SMAD6: variants seen among roughly 807,000 people sequenced by gnomAD.
SMAD6 encodes the protein SMAD family member 6.
A neutral mutation model predicts 39.4 loss-of-function variants in SMAD6; 103 were observed. That is an observed-to-expected ratio of 2.62 (90% CI 2.23 to 3.08). The LOEUF is 3.08. Among genes scored for constraint, SMAD6 ranks in the 30% most tolerant of loss-of-function variants. SMAD6 has a pLI of 0.00. For missense variants in SMAD6, 1,104 were observed against 742.9 expected (o/e 1.49, Z -5.65); for synonymous variants, 445 against 353.3 (o/e 1.26, Z -2.91).
chr15:66,720,831 A>T (rs1194645856), intron 3 of SMAD6, among the ~76,000 whole-genome samples: 4 of 152,194 alleles, frequency 2.6e-5, no homozygotes, highest in African/African-American at 9.6e-5. Flanking sequence ...GCATGGTCTA[A>T]GCTGCCCATC....
chr15:66,747,940 C>A lies in SMAD6; in HGVS notation c.952+31442C>A, dbSNP rs1156544882. Among the ~76,000 whole-genome samples, 4 of 152,130 alleles carry A rather than the reference C, an allele frequency of 2.6e-5. No individual in the cohort carries two copies. Among genetic ancestry groups the A allele is most frequent in the Non-Finnish European group, 5.9e-5 (4 of 68,026 alleles). Reference sequence around the variant, plus strand: ...CCCTTTGCACCCCACTTCTCTTTCTCCGGCATGAGGCAGTGGCTGGGGGCG... The same window carrying A: ...CCCTTTGCACCCCACTTCTCTTTCTACGGCATGAGGCAGTGGCTGGGGGCG... On this transcript the variant is annotated intron_variant, in intron 3 of 3. Transcript: ENST00000288840. The surrounding 1 kb of genome is among the most constrained non-coding windows in gnomAD (Gnocchi z 4.5).
At chr15:66,751,816 T>C (rs959217214) in intron 3 of SMAD6, among the ~76,000 whole-genome samples, 2 of 152,218 alleles carry the variant, frequency 1.3e-5, no homozygotes, top group Non-Finnish European at 2.9e-5. Context: ...ACTTTGGCGA[T>C]CAGCCAGACC....
chr15:66,739,978 TCC>T (rs1046072980), intron 3 of SMAD6, among the ~76,000 whole-genome samples: 1 of 152,228 alleles, frequency 6.6e-6, no homozygotes, highest in African/African-American at 2.4e-5. Context: ...CTGCCTTTTC[TCC>T]TCAGCATTAC....
At position 66,781,510 on chromosome 15, in the gene SMAD6, A is replaced by C; in HGVS notation, c.1466A>C (p.Glu489Ala). 1.3e-6 allele frequency: 2 copies of C among 1,555,788 alleles called. No homozygotes were observed. Among genetic ancestry groups the C allele is most frequent in the Non-Finnish European group, 8.7e-7 (1 of 1,153,672 alleles). ...QFITSCPCWLEILLNNPR is the reference protein window; with the variant it reads ...QFITSCPCWLAILLNNPR ...ATCACCTCCTGCCCCTGCTGGCTGG[A>C]GATCCTCCTCAACAACCCCAGATAG... Residue 489 changes from glutamate to alanine, a missense_variant, in exon 4 of 4, where the codon GAG becomes GCG. By Grantham distance (107) the Glu-to-Ala change is moderately radical. Coordinates refer to ENST00000288840, the MANE Select transcript of SMAD6 (RefSeq NM_005585.5).
At chr15:66,738,578 GAAGAT>G (rs935382657) in intron 3 of SMAD6, among the ~76,000 whole-genome samples, 4 of 152,182 alleles carry the variant, frequency 2.6e-5, no homozygotes, top group African/African-American at 9.7e-5. Context: ...CAGTGGCAGA[GAAGAT>G]AACATTTTCC....
Position 66,757,542 on chromosome 15 carries a change from C to T in SMAD6, c.953-23455C>T, listed in dbSNP as rs12439804. Among the ~76,000 whole-genome samples, 613 of 152,322 alleles carry T rather than the reference C, an allele frequency of 4.0e-3. 4 individuals are homozygous for T. The highest frequency in any genetic ancestry group is 0.021 in the East Asian group (108 of 5,184). On this transcript the variant is annotated intron_variant, in intron 3 of 3. Transcript: ENST00000288840. ...CTCCTGAGGGGTGTCCAGCAGGACC[C>T]TCAGGCTGGGTCTCCCAGGCCGGGG... is the stretch of plus-strand genomic sequence containing the variant.
At chr15:66,771,253 GAC>G (rs1180699653) in intron 3 of SMAD6, among the ~76,000 whole-genome samples, 1 of 152,218 alleles carries the variant, frequency 6.6e-6, no homozygotes, top group Non-Finnish European at 1.5e-5. Context: ...CTATGGAGGA[GAC>G]ACTGAGCAGG....
intron 3 of SMAD6, among the ~76,000 whole-genome samples, chr15:66,748,205 ATT>A (rs34637025): frequency 2.5e-4 from 35 of 138,372 alleles, no homozygotes; most frequent in African/African-American, 6.1e-4. Context: ...ATTTCTTCCC[ATT>A]TTTTTTTTTT....
chr15:66,759,410 G>A (rs988214604), intron 3 of SMAD6, among the ~76,000 whole-genome samples: 44 of 152,110 alleles, frequency 2.9e-4, no homozygotes, highest in African/African-American at 9.9e-4. Flanking sequence ...AGCTTTTGGG[G>A]TACAAGTAGC....
intron 3 of SMAD6, among the ~76,000 whole-genome samples, chr15:66,764,944 C>T (rs1894263510): frequency 6.6e-6 from 1 of 152,178 alleles, no homozygotes; most frequent in East Asian, 1.9e-4. Context: ...CCCTGGGTTT[C>T]ACCGCCATAG....
At chr15:66,768,686 T>G (rs1894330685) in intron 3 of SMAD6, among the ~76,000 whole-genome samples, 1 of 152,240 alleles carries the variant, frequency 6.6e-6, no homozygotes, top group East Asian at 1.9e-4. Flanking sequence ...TCCTGACCTC[T>G]GAGCATCAGT....
At chr15:66,718,448 G>A (rs769054474) in intron 3 of SMAD6, among the ~76,000 whole-genome samples, 8 of 152,158 alleles carry the variant, frequency 5.3e-5, no homozygotes, top group African/African-American at 1.9e-4. Context: ...CTGTGCAAAA[G>A]GACTGTGTTG....
chr15:66,782,683 A>C lies in SMAD6; in HGVS notation c.*1148A>C, dbSNP rs532277571. ...AGGACCAGAGCCATATCATTAGATC[A>C]GCTTTCTGAAGAATATTCTCAAAAA... On this transcript the variant is annotated 3_prime_UTR_variant, in exon 4 of 4. Transcript: ENST00000288840. 5 of 152,378 alleles carry C rather than the reference A, an allele frequency of 3.3e-5. No homozygotes were observed. The highest frequency in any genetic ancestry group is 3.3e-4 in the Admixed American group (5 of 15,312). 9.4% of individuals were successfully genotyped at this position (152,378 alleles called of 1,614,324 possible).
chr15:66,781,272 A>AT lies in SMAD6; in HGVS notation c.1229dup (p.Phe411LeufsTer154). ...GGCCTACAACCGCGGCGAGCACCCC[A>AT]TCTTCGTCAACTCCCCGACGCTGGA... On this transcript the variant is annotated frameshift_variant, in exon 4 of 4. Coordinates refer to ENST00000288840, the MANE Select transcript of SMAD6 (RefSeq NM_005585.5). LOFTEE classifies it high-confidence loss of function. The AT allele has an allele frequency of 6.2e-7, 1 of 1,607,396 alleles. No individual in the cohort carries two copies. Among genetic ancestry groups the AT allele is most frequent in the Non-Finnish European group, 8.5e-7 (1 of 1,178,774 alleles).
chr15:66,758,015 C>T (rs1314201168), intron 3 of SMAD6, among the ~76,000 whole-genome samples: 1 of 152,202 alleles, frequency 6.6e-6, no homozygotes, highest in East Asian at 1.9e-4. Context: ...TGGGACCCTC[C>T]TTCAAGCGAA....
chr15:66,771,591 G>T (rs1567113186), intron 3 of SMAD6, among the ~76,000 whole-genome samples: 1 of 152,150 alleles, frequency 6.6e-6, no homozygotes, highest in Non-Finnish European at 1.5e-5. Context: ...TGCGACTGGG[G>T]GACTCTGAGG....
At chr15:66,766,207 G>GGGGGGCA (rs139575042) in intron 3 of SMAD6, among the ~76,000 whole-genome samples, 4,261 of 152,160 alleles carry the variant, frequency 0.028, 185 homozygotes, top group East Asian at 0.16. Flanking sequence ...TGGAAGGGAT[G>GGGGGGCA]GGGGGCAGGG....
At chr15:66,778,796 C>G (rs1047632028) in intron 3 of SMAD6, among the ~76,000 whole-genome samples, 1 of 152,160 alleles carries the variant, frequency 6.6e-6, no homozygotes, top group African/African-American at 2.4e-5. Context: ...TACCCTGGGC[C>G]TCAGTTTCCT....
chr15:66,777,267 G>C lies in SMAD6; in HGVS notation c.953-3730G>C, dbSNP rs74744786. The stretch of plus-strand genomic sequence containing the variant: ...AGAGACCCCAGTTTTTGCCCACCAC[G>C]CTTCAGTGCCCTAGGGCCTGAGCCC... On this transcript the variant is annotated intron_variant, in intron 3 of 3. Coordinates refer to ENST00000288840, the MANE Select transcript of SMAD6 (RefSeq NM_005585.5). Among the ~76,000 whole-genome samples the C allele has an allele frequency of 0.01, 1,588 of 152,278 alleles. 96 individuals carry two copies. In the East Asian group the frequency reaches 0.17, roughly 16 times the overall value.
Sources: gnomAD v4.1 joint callset for allele counts (sites outside exome capture counted in the v4.1 genomes callset) on GRCh38, gnomAD v4.1.1 for gene constraint, Gnocchi (gnomAD v3.1) non-coding constraint, MANE v1.5 for transcripts, NCBI Gene and HGNC (gene_info 2026-07-23, HGNC 2026-07-21) for gene names.